Variants in TRPM8 observed in about 807,000 individuals in gnomAD.
The protein encoded by TRPM8 is TRPM8 cationic channel.
Under a neutral mutation model 133.7 loss-of-function variants are expected in TRPM8, and 110 were observed. The ratio of observed to expected loss-of-function variants is 0.82; its 90% CI spans 0.70 to 0.96. The LOEUF (loss-of-function observed/expected upper bound fraction) is 0.96, where lower values mean the gene tolerates loss of function less well. Ranked by LOEUF, TRPM8 falls within the 40% of genes least tolerant of loss-of-function variation. The probability of loss-of-function intolerance (pLI) is 0.00; values close to 1 mark genes in which losing one functional copy is unlikely to be tolerated. For missense variants in TRPM8, 1,291 were observed against 1,379.5 expected (o/e 0.94, Z 1.02); for synonymous variants, 535 against 532.3 (o/e 1.01, Z -0.07).
At chr2:233,980,430 T>C in intron 18 of TRPM8, 151 bp downstream of exon 18, 1 of 533,670 alleles carries the variant, frequency 1.9e-6, no homozygotes, top group Non-Finnish European at 3.2e-6. Flanking sequence ...AGATACACCT[T>C]GGTTGTCGTG....
chr2:233,967,099 G>A (rs540789423), intron 15 of TRPM8, among the ~76,000 whole-genome samples: 59 of 152,308 alleles, frequency 3.9e-4, no homozygotes, highest in African/African-American at 1.0e-3. Context: ...TGAGCTCTCC[G>A]AGTATTAGTT....
chr2:233,949,982 T>C lies in TRPM8; in HGVS notation c.976T>C (p.Cys326Arg). The change falls in exon 9 of 26, where the codon TGT (cysteine) becomes CGT (arginine). Residue 326 changes from cysteine to arginine, a missense_variant. Cys to Arg is a radical substitution (Grantham distance 180). Coordinates refer to ENST00000324695, the MANE Select transcript of TRPM8 (RefSeq NM_024080.5). Reference sequence around the variant, plus strand: ...TACCTCCATCAAAAATAAAATTCCTTGTGTGGTGGTGGAAGGCTCGGGCCA... The same window carrying C: ...TACCTCCATCAAAAATAAAATTCCTCGTGTGGTGGTGGAAGGCTCGGGCCA... Reference protein sequence around the residue: ...INTSIKNKIPCVVVEGSGQIA... With the variant: ...INTSIKNKIPRVVVEGSGQIA... 1 of 1,614,096 alleles carries C rather than the reference T, an allele frequency of 6.2e-7. No individual in the cohort carries two copies. Among genetic ancestry groups the C allele is most frequent in the Non-Finnish European group, 8.5e-7 (1 of 1,180,026 alleles).
chr2:233,944,200 A>G (rs1185775835), intron 6 of TRPM8, among the ~76,000 whole-genome samples: 4 of 152,248 alleles, frequency 2.6e-5, no homozygotes, highest in Admixed American at 2.6e-4. Context: ...GATGCCCAAC[A>G]GGAGATGGCA....
intron 22 of TRPM8, among the ~76,000 whole-genome samples, chr2:234,000,084 A>G (rs945873496): frequency 1.0e-5 from 1 of 95,650 alleles, no homozygotes; most frequent in Admixed American, 1.2e-4. Context: ...ATCAATGTGG[A>G]TGATTTATTT....
intron 21 of TRPM8, 97 bp from the exon 22 acceptor site, chr2:233,996,229 T>C (rs1692397838): frequency 9.2e-7 from 1 of 1,091,958 alleles, no homozygotes; most frequent in East Asian, 2.4e-5. Flanking sequence ...ACTTAAGCTA[T>C]TGCAGTAATA....
At chr2:234,000,834 A>G (rs1239081396) in intron 22 of TRPM8, among the ~76,000 whole-genome samples, 4 of 152,138 alleles carry the variant, frequency 2.6e-5, no homozygotes, top group Non-Finnish European at 5.9e-5. Flanking sequence ...GTGCACCACC[A>G]CGCCAGGCTG....
intron 6 of TRPM8, among the ~76,000 whole-genome samples, chr2:233,945,428 C>T (rs1375755870): frequency 2.0e-5 from 3 of 152,122 alleles, no homozygotes; most frequent in Non-Finnish European, 4.4e-5. Context: ...TGATAGATTC[C>T]AGACAGCTAT....
intron 17 of TRPM8, among the ~76,000 whole-genome samples, chr2:233,974,967 C>T (rs1691831814): frequency 6.6e-6 from 1 of 152,158 alleles, no homozygotes; most frequent in African/African-American, 2.4e-5. Flanking sequence ...ATGGCTGGTA[C>T]AATAGTAACT....
intron 1 of TRPM8, among the ~76,000 whole-genome samples, chr2:233,920,374 C>T (rs1349953752): frequency 6.6e-6 from 1 of 152,134 alleles, no homozygotes; most frequent in Non-Finnish European, 1.5e-5. Flanking sequence ...AGAGTAAAGA[C>T]CATGAATAGA....
intron 8 of TRPM8, chr2:233,947,412 G>C: frequency 6.7e-7 from 1 of 1,485,254 alleles, no homozygotes; most frequent in Non-Finnish European, 9.0e-7. Context: ...CCAAAGAGAA[G>C]AGTTGACATT....
intron 3 of TRPM8, among the ~76,000 whole-genome samples, chr2:233,936,639 G>T (rs1393064166): frequency 6.6e-6 from 1 of 152,188 alleles, no homozygotes; most frequent in Non-Finnish European, 1.5e-5. Context: ...AGCCTTACTG[G>T]CTGGGCAAAC....
chr2:233,973,733 C>A (rs1691792085), intron 17 of TRPM8, among the ~76,000 whole-genome samples: 1 of 152,190 alleles, frequency 6.6e-6, no homozygotes, highest in African/African-American at 2.4e-5. Context: ...CTGTGTTGTG[C>A]CTTGCTATGT....
intron 23 of TRPM8, 37 bp downstream of exon 23, chr2:234,006,989 C>A: frequency 6.6e-7 from 1 of 1,512,248 alleles, no homozygotes; most frequent in South Asian, 1.1e-5. Flanking sequence ...GCAAGGCTCC[C>A]TCTGTAGACA....
At chr2:233,958,403 G>A (rs1559528585) in intron 11 of TRPM8, among the ~76,000 whole-genome samples, 1 of 152,194 alleles carries the variant, frequency 6.6e-6, no homozygotes, top group East Asian at 1.9e-4. Flanking sequence ...TTCTCAAGGT[G>A]TGGGTCCTGG....
chr2:234,013,282 C>T (rs573580547), intron 24 of TRPM8: 2 of 152,214 alleles, frequency 1.3e-5, no homozygotes, highest in East Asian at 1.9e-4. Flanking sequence ...TTGTTGAAAG[C>T]TTTTTGATTG....
chr2:233,960,491 A>T (rs1374601436), intron 11 of TRPM8, among the ~76,000 whole-genome samples: 2 of 152,070 alleles, frequency 1.3e-5, no homozygotes, highest in Non-Finnish European at 2.9e-5. Flanking sequence ...GGGTGTATTT[A>T]TCTCCATTTT....
At chr2:233,986,235 TG>T (rs1487409560) in intron 21 of TRPM8, among the ~76,000 whole-genome samples, 1 of 152,186 alleles carries the variant, frequency 6.6e-6, no homozygotes, top group East Asian at 1.9e-4. Context: ...TGGGGCTCAG[TG>T]GTATGGATTC....
chr2:233,953,954 T>C lies in TRPM8; in HGVS notation c.1178T>C (p.Val393Ala), dbSNP rs764728295. The change falls in exon 10 of 26, where the codon GTT becomes GCT. Residue 393 changes from valine (V) to alanine (A), a missense_variant. Around this residue, in one of 2 missense-constraint regions of TRPM8, gnomAD observed 963 missense variants for 968.9 expected, o/e 0.99. Transcript: ENST00000324695. ...EILECSHLLT[V>A]IKMEEAGDEI... is the part of the protein sequence containing the mutation. ...CTCGAATGTTCTCACCTATTAACAG[T>C]TATTAAAATGGAAGAAGCTGGGGAT... 1 of 1,613,920 alleles carries C rather than the reference T, an allele frequency of 6.2e-7. No individual in the cohort carries two copies. Among genetic ancestry groups the C allele is most frequent in the African/African-American group, 1.3e-5 (1 of 74,946 alleles).
At chr2:234,011,193 G>T (rs1692828222) in intron 24 of TRPM8, among the ~76,000 whole-genome samples, 1 of 152,088 alleles carries the variant, frequency 6.6e-6, no homozygotes, top group Non-Finnish European at 1.5e-5. Flanking sequence ...TTTACATGTG[G>T]ATATCCAGTT....
Sources: gnomAD v4.1 joint callset for allele counts (sites outside exome capture counted in the v4.1 genomes callset) on GRCh38, gnomAD v4.1.1 for gene constraint, gnomAD v4.1.1 regional missense constraint, MANE v1.5 for transcripts, NCBI Gene and HGNC (gene_info 2026-07-23, HGNC 2026-07-21) for gene names.